Variants in ANKS1B observed in about 807,000 individuals in gnomAD.
ANKS1B encodes the protein ankyrin repeat and sterile alpha motif domain-containing protein 1B.
Under a neutral mutation model 148.3 loss-of-function variants are expected in ANKS1B, and 36 were observed. That is an observed-to-expected ratio of 0.24 (90% CI 0.19 to 0.32). ANKS1B has a LOEUF of 0.32. ANKS1B is among the 10% of genes least tolerant of loss of function. The pLI, the probability that ANKS1B is intolerant of heterozygous loss-of-function variation, is 1.00. For synonymous variants in ANKS1B, 542 were observed against 560.8 expected (o/e 0.97, Z 0.47); for missense variants, 1,157 against 1,542.6 (o/e 0.75, Z 4.19).
intron 14 of ANKS1B, chr12:99,154,742 T>C: frequency 6.9e-7 from 1 of 1,440,462 alleles, no homozygotes; most frequent in Non-Finnish European, 9.1e-7. Flanking sequence ...ATGTGATTGT[T>C]GGAGTACTCC....
intron 14 of ANKS1B, among the ~76,000 whole-genome samples, chr12:99,217,192 A>G (rs1395963150): frequency 1.3e-5 from 2 of 152,118 alleles, no homozygotes; most frequent in African/African-American, 4.8e-5. Context: ...TAAAAAATGT[A>G]CGTTAACCTC....
chr12:99,033,475 A>G (rs73386551), intron 17 of ANKS1B, among the ~76,000 whole-genome samples: 5,221 of 152,232 alleles, frequency 0.034, 316 homozygotes, highest in African/African-American at 0.12. Context: ...ACTCTTAAAA[A>G]TTCAAATCAA....
chr12:99,509,203 C>T (rs1188508646), intron 9 of ANKS1B, among the ~76,000 whole-genome samples: 2 of 151,766 alleles, frequency 1.3e-5, no homozygotes, highest in Admixed American at 6.6e-5. Flanking sequence ...TGAGACACAA[C>T]AATATTGAAA....
intron 17 of ANKS1B, among the ~76,000 whole-genome samples, chr12:98,888,691 G>A (rs959539851): frequency 5.9e-5 from 9 of 152,126 alleles, no homozygotes; most frequent in Non-Finnish European, 7.4e-5. Context: ...CAGCATCTCC[G>A]TATAGCTGGT....
At chr12:99,617,149 T>C (rs2097975600) in intron 9 of ANKS1B, among the ~76,000 whole-genome samples, 1 of 152,054 alleles carries the variant, frequency 6.6e-6, no homozygotes, top group East Asian at 1.9e-4. Flanking sequence ...ATAACAGATA[T>C]GGGTGAGGAT....
chr12:99,812,236 G>A lies in ANKS1B; in HGVS notation c.291C>T (p.His97=). ...VADNKGYFPI[H]LAAWKGDVEI... ...CCACATCTCCTTTCCAGGCAGCCAG[G>A]TGAATAGGAAAATACCCTTTGTTGT... is the stretch of plus-strand genomic sequence containing the variant. Residue 97 remains histidine (H), a synonymous_variant, in exon 3 of 27, where the codon CAC becomes CAT. Transcript: ENST00000683438. 1.2e-6 allele frequency: 2 copies of A among 1,611,994 alleles called. No homozygotes were observed. The highest frequency in any genetic ancestry group is 1.1e-5 in the South Asian group (1 of 91,020).
At chr12:99,590,258 CCACACACACACACACACACA>C (rs374132496) in intron 9 of ANKS1B, among the ~76,000 whole-genome samples, 11 of 132,870 alleles carry the variant, frequency 8.3e-5, no homozygotes, top group Admixed American at 4.6e-4. Context: ...CCACACCCAC[CCACACACACACACACACACA>C]CACACACACA....
intron 14 of ANKS1B, among the ~76,000 whole-genome samples, chr12:99,183,254 A>G (rs544871929): frequency 1.3e-5 from 2 of 152,368 alleles, no homozygotes; most frequent in South Asian, 4.1e-4. Flanking sequence ...TAAAGAAACT[A>G]CACTGTAGGG....
At chr12:99,143,053 T>C (rs1327792951) in intron 15 of ANKS1B, among the ~76,000 whole-genome samples, 1 of 152,156 alleles carries the variant, frequency 6.6e-6, no homozygotes, top group African/African-American at 2.4e-5. Flanking sequence ...TTGTTTCTAG[T>C]CCTCAGATTT....
chr12:99,362,354 C>T (rs1200587193), intron 12 of ANKS1B, among the ~76,000 whole-genome samples: 2 of 151,898 alleles, frequency 1.3e-5, no homozygotes, highest in African/African-American at 4.8e-5. Flanking sequence ...TAAGAAAGAT[C>T]CTACGAGAGG....
intron 17 of ANKS1B, among the ~76,000 whole-genome samples, chr12:98,946,888 T>C (rs2099846243): frequency 7.4e-6 from 1 of 135,536 alleles, no homozygotes; most frequent in South Asian, 2.3e-4. Context: ...GGCAGTGAGC[T>C]ATGATTGAGC....
chr12:99,453,012 C>T lies in ANKS1B; in HGVS notation c.1439-9203G>A, dbSNP rs569188746. 5.3e-5 allele frequency among the ~76,000 whole-genome samples: 8 copies of T among 152,236 alleles called. No homozygotes were observed. The East Asian group carries it at 1.5e-3, about 29-fold the overall frequency. On this transcript the variant is annotated intron_variant, in intron 10 of 26. Coordinates refer to ENST00000683438, the MANE Select transcript of ANKS1B (RefSeq NM_001352186.2). ...GCTTCTAACAAAGAAGAGATGAGGC[C>T]GGGCACAGTGGCTCACGCCTGTAAT...
intron 15 of ANKS1B, among the ~76,000 whole-genome samples, chr12:99,112,935 T>C (rs2060594373): frequency 6.6e-6 from 1 of 152,190 alleles, no homozygotes; most frequent in Non-Finnish European, 1.5e-5. Context: ...CAAAGATAAA[T>C]AAGACACAAT....
chr12:98,942,656 G>A (rs2099838833), intron 17 of ANKS1B, among the ~76,000 whole-genome samples: 1 of 152,206 alleles, frequency 6.6e-6, no homozygotes, highest in South Asian at 2.1e-4. Context: ...AATGTAGCTT[G>A]CTCACTATTG....
chr12:99,334,863 T>C (rs1746629383), intron 12 of ANKS1B, among the ~76,000 whole-genome samples: 1 of 152,060 alleles, frequency 6.6e-6, no homozygotes, highest in Non-Finnish European at 1.5e-5. Context: ...AATTTGTCAA[T>C]ATATTCTTCC....
chr12:99,266,510 G>A (rs1035322979), intron 12 of ANKS1B, among the ~76,000 whole-genome samples: 1 of 152,114 alleles, frequency 6.6e-6, no homozygotes, highest in Non-Finnish European at 1.5e-5. Context: ...CCATTTCCAT[G>A]CCCTGGTTTG....
chr12:98,833,900 T>A (rs915512999), intron 17 of ANKS1B, among the ~76,000 whole-genome samples: 7 of 152,214 alleles, frequency 4.6e-5, no homozygotes, highest in African/African-American at 1.7e-4. Flanking sequence ...TTCAGCTGCA[T>A]CCATGCTGCT....
intron 14 of ANKS1B, among the ~76,000 whole-genome samples, chr12:99,185,379 G>C (rs1046091114): frequency 6.6e-6 from 1 of 152,214 alleles, no homozygotes; most frequent in Admixed American, 6.5e-5. Context: ...TATTGATAAT[G>C]TTAATCATTT....
chr12:99,981,652 C>T (rs1335444502), intron 1 of ANKS1B, among the ~76,000 whole-genome samples: 7 of 151,966 alleles, frequency 4.6e-5, no homozygotes, highest in Admixed American at 6.6e-5. Context: ...CAAATCTTTG[C>T]CATTATTAAT....
Sources: allele counts gnomAD v4.1 joint callset (sites outside exome capture counted in the v4.1 genomes callset), GRCh38; gene constraint gnomAD v4.1.1; transcripts MANE v1.5; gene names NCBI Gene and HGNC (gene_info 2026-07-23, HGNC 2026-07-21).